The following HECW1 variants were observed in gnomAD, a reference collection of about 807,000 sequenced individuals.
The protein encoded by HECW1 is E3 ubiquitin-protein ligase HECW1.
HECW1 carries 61 observed loss-of-function variants against 182.3 expected under a neutral mutation model. The ratio of observed to expected loss-of-function variants is 0.33; its 90% CI spans 0.27 to 0.41. The LOEUF (loss-of-function observed/expected upper bound fraction) is 0.41. HECW1 is among the 10% of genes least tolerant of loss of function. The probability of loss-of-function intolerance (pLI) is 1.00; values close to 1 mark genes in which losing one functional copy is unlikely to be tolerated. For missense variants in HECW1, 1,739 were observed against 2,108.9 expected (o/e 0.82, Z 3.44); for synonymous variants, 859 against 832.6 (o/e 1.03, Z -0.55).
chr7:43,326,692 C>T (rs181424508), intron 5 of HECW1, among the ~76,000 whole-genome samples: 3 of 152,306 alleles, frequency 2.0e-5, no homozygotes, highest in Non-Finnish European at 2.9e-5. Flanking sequence ...TGGAAATGAA[C>T]ATATTGGTGT....
chr7:43,339,985 T>G (rs1311296957), intron 5 of HECW1, among the ~76,000 whole-genome samples: 2 of 151,980 alleles, frequency 1.3e-5, no homozygotes, highest in East Asian at 3.9e-4. Context: ...AGTTGTGTAT[T>G]TGAGATCTCC....
intron 3 of HECW1, among the ~76,000 whole-genome samples, chr7:43,253,785 G>A (rs532096721): frequency 6.6e-6 from 1 of 152,282 alleles, no homozygotes; most frequent in South Asian, 2.1e-4. Context: ...GCAGGTGCCT[G>A]TAATCCCAGC....
intron 2 of HECW1, among the ~76,000 whole-genome samples, chr7:43,224,133 T>C (rs1431087912): frequency 6.6e-6 from 1 of 152,244 alleles, no homozygotes; most frequent in Non-Finnish European, 1.5e-5. Flanking sequence ...TTGATTATTT[T>C]AGTCACTGCT....
chr7:43,194,009 T>C (rs962523563), intron 2 of HECW1, among the ~76,000 whole-genome samples: 7 of 152,244 alleles, frequency 4.6e-5, no homozygotes, highest in Admixed American at 1.3e-4. Flanking sequence ...TGTTATGTGA[T>C]GCTATGCAAA....
intron 3 of HECW1, among the ~76,000 whole-genome samples, chr7:43,268,851 A>G (rs1802074064): frequency 6.6e-6 from 1 of 152,058 alleles, no homozygotes; most frequent in Non-Finnish European, 1.5e-5. Context: ...GGCTCACTGC[A>G]GCTTCAACCT....
chr7:43,171,051 GT>G (rs1392287535), intron 2 of HECW1, among the ~76,000 whole-genome samples: 1 of 152,196 alleles, frequency 6.6e-6, no homozygotes, highest in Non-Finnish European at 1.5e-5. Context: ...GCACACTGTG[GT>G]TGGTCAGATG....
chr7:43,343,428 A>G (rs1813280810), intron 5 of HECW1, among the ~76,000 whole-genome samples: 1 of 151,354 alleles, frequency 6.6e-6, no homozygotes, highest in Non-Finnish European at 1.5e-5. Flanking sequence ...CTGCCCCCCA[A>G]CCCTATGACA....
At chr7:43,532,335 C>T (rs1179843586) in intron 24 of HECW1, among the ~76,000 whole-genome samples, 1 of 152,190 alleles carries the variant, frequency 6.6e-6, no homozygotes, top group Non-Finnish European at 1.5e-5. Context: ...TCCAGACAGG[C>T]CTCTGCCTTC....
intron 2 of HECW1, among the ~76,000 whole-genome samples, chr7:43,228,712 C>T (rs540732276): frequency 6.6e-6 from 1 of 152,194 alleles, no homozygotes; most frequent in South Asian, 2.1e-4. Flanking sequence ...GATGCTTCTC[C>T]ACGATTATTT....
chr7:43,546,540 G>C (rs944280871), intron 26 of HECW1, among the ~76,000 whole-genome samples: 2 of 151,644 alleles, frequency 1.3e-5, no homozygotes, highest in Non-Finnish European at 2.9e-5. Flanking sequence ...TGTTGTTTTG[G>C]GGGGCAGGTA....
Position 43,210,553 on chromosome 7 carries a change from C to T in HECW1, c.-31-33322C>T, listed in dbSNP as rs146152118. ...CCACTTCCAAGATGGCTGCAAGCCT[C>T]GTGTTCGCTAACCTGGGGTTCTTGG... On this transcript the variant is annotated intron_variant, in intron 2 of 29. Coordinates refer to ENST00000395891, the MANE Select transcript of HECW1 (RefSeq NM_015052.5). Among the ~76,000 whole-genome samples the T allele has an allele frequency of 2.6e-3, 393 of 152,100 alleles. 2 individuals carry two copies. Among genetic ancestry groups the T allele is most frequent in the African/African-American group, 8.7e-3 (361 of 41,492 alleles).
chr7:43,460,809 C>T (rs2077557710), intron 13 of HECW1, among the ~76,000 whole-genome samples: 1 of 152,148 alleles, frequency 6.6e-6, no homozygotes, highest in South Asian at 2.1e-4. Context: ...GCATGACCTG[C>T]TTCCCCAAAC....
At chr7:43,545,847 G>A (rs1001142791) in intron 26 of HECW1, among the ~76,000 whole-genome samples, 5 of 152,050 alleles carry the variant, frequency 3.3e-5, no homozygotes, top group Non-Finnish European at 7.4e-5. Flanking sequence ...GGGGGCAGGA[G>A]AGGCAGGCAC....
chr7:43,562,442 A>G lies in HECW1; in HGVS notation c.*516A>G, dbSNP rs2082233398. The G allele has an allele frequency of 4.4e-6, 1 of 228,320 alleles. No individual in the cohort carries two copies. Among genetic ancestry groups the G allele is most frequent in the Non-Finnish European group, 8.7e-6 (1 of 114,992 alleles). 14.1% of individuals were successfully genotyped at this position (228,320 alleles called of 1,614,324 possible). On this transcript the variant is annotated 3_prime_UTR_variant, in exon 30 of 30. Coordinates refer to ENST00000395891, the MANE Select transcript of HECW1 (RefSeq NM_015052.5). The stretch of plus-strand genomic sequence containing the variant: ...CTCCATCTACTTTTCCCTGTGCATA[A>G]TATCCATCCAAAGGACAACAGTGGC...
At chr7:43,497,673 T>G (rs1188452228) in intron 19 of HECW1, among the ~76,000 whole-genome samples, 3 of 151,880 alleles carry the variant, frequency 2.0e-5, no homozygotes, top group Non-Finnish European at 4.4e-5. Context: ...AAAATATGGA[T>G]GAAGAGAAGG....
intron 17 of HECW1, among the ~76,000 whole-genome samples, chr7:43,487,674 C>A (rs2078696891): frequency 6.6e-6 from 1 of 152,134 alleles, no homozygotes; most frequent in South Asian, 2.1e-4. Context: ...GAAAACAAAG[C>A]AGGCCGCGGA....
chr7:43,467,211 C>T (rs969708402), intron 15 of HECW1, among the ~76,000 whole-genome samples: 38 of 152,020 alleles, frequency 2.5e-4, no homozygotes, highest in Admixed American at 1.6e-3. Flanking sequence ...GGAGCAATGA[C>T]GTGAAAAACA....
chr7:43,541,130 C>G, intron 24 of HECW1, 33 bp from the exon 25 acceptor site: 1 of 1,513,464 alleles, frequency 6.6e-7, no homozygotes. Flanking sequence ...TAAATTTCCA[C>G]TTACCGATTT....
chr7:43,417,310 A>C (rs1015982789), intron 8 of HECW1, among the ~76,000 whole-genome samples: 1 of 152,074 alleles, frequency 6.6e-6, no homozygotes, highest in Non-Finnish European at 1.5e-5. Context: ...TTGATTTCCC[A>C]AAGTGCTGAG....
Sources: gnomAD v4.1 joint callset for allele counts (sites outside exome capture counted in the v4.1 genomes callset) on GRCh38, gnomAD v4.1.1 for gene constraint, MANE v1.5 for transcripts, NCBI Gene and HGNC (gene_info 2026-07-23, HGNC 2026-07-21) for gene names.